The following CSMD3 variants were observed in gnomAD, a reference collection of about 807,000 sequenced individuals.
The protein encoded by CSMD3 is CUB and Sushi multiple domains 3, also known as CUB and sushi domain-containing protein 3.
Under a neutral mutation model 435.2 loss-of-function variants are expected in CSMD3, and 177 were observed. That is an observed-to-expected ratio of 0.41 (90% CI 0.36 to 0.46). The LOEUF is 0.46. Among genes scored for constraint, CSMD3 ranks in the 20% least tolerant of loss-of-function variants. CSMD3 has a pLI of 0.34. For synonymous variants in CSMD3, 1,656 were observed against 1,520.5 expected (o/e 1.09, Z -2.07); for missense variants, 4,265 against 4,504.6 (o/e 0.95, Z 1.52).
intron 32 of CSMD3, among the ~76,000 whole-genome samples, chr8:112,413,968 T>C (rs149005949): frequency 1.5e-4 from 23 of 152,146 alleles, no homozygotes; most frequent in Admixed American, 2.6e-4. Context: ...CCAGGTGATA[T>C]CTGTTCACCC....
intron 23 of CSMD3, among the ~76,000 whole-genome samples, chr8:112,579,136 A>G (rs1830156374): frequency 6.6e-6 from 1 of 152,080 alleles, no homozygotes; most frequent in Non-Finnish European, 1.5e-5. Flanking sequence ...AAACAGGATT[A>G]TGTCAGAACT....
At chr8:112,657,653 G>C (rs1563820534) in intron 17 of CSMD3, among the ~76,000 whole-genome samples, 2 of 152,004 alleles carry the variant, frequency 1.3e-5, no homozygotes, top group African/African-American at 4.8e-5. Context: ...TCTAAACTGT[G>C]GAAAAATGTT....
intron 5 of CSMD3, among the ~76,000 whole-genome samples, chr8:113,045,285 T>C (rs1237132876): frequency 6.7e-6 from 1 of 149,254 alleles, no homozygotes; most frequent in African/African-American, 2.4e-5. Context: ...CCTGCATATA[T>C]TGGTTACTCA....
intron 52 of CSMD3, among the ~76,000 whole-genome samples, chr8:112,304,256 AT>A (rs1257123508): frequency 6.6e-6 from 1 of 152,146 alleles, no homozygotes; most frequent in Admixed American, 6.5e-5. Context: ...ATCAGAGAGA[AT>A]AAACATGATA....
chr8:113,364,894 T>C (rs1346863743), intron 1 of CSMD3, among the ~76,000 whole-genome samples: 1 of 152,132 alleles, frequency 6.6e-6, no homozygotes, highest in Non-Finnish European at 1.5e-5. Flanking sequence ...AAAAGGTTTC[T>C]GGACCACAAA....
At chr8:112,547,440 T>TG (rs1047103083) in intron 27 of CSMD3, among the ~76,000 whole-genome samples, 1 of 151,734 alleles carries the variant, frequency 6.6e-6, no homozygotes, top group Non-Finnish European at 1.5e-5. Flanking sequence ...CCTAGCTACA[T>TG]GGGGGGCTGA....
At chr8:112,236,687 A>G (rs868570464) in intron 67 of CSMD3, among the ~76,000 whole-genome samples, 1 of 152,132 alleles carries the variant, frequency 6.6e-6, no homozygotes, top group Non-Finnish European at 1.5e-5. Flanking sequence ...AGATGTGTGT[A>G]CTGGACACAG....
intron 11 of CSMD3, among the ~76,000 whole-genome samples, chr8:112,836,318 C>T (rs1236355689): frequency 6.6e-6 from 1 of 151,776 alleles, no homozygotes. Flanking sequence ...TACCCAACAG[C>T]CACCTTCCGT....
In CSMD3 at chr8:112,685,507, G is replaced by A. The variant is rs772413849; in HGVS notation, c.2381C>T (p.Ala794Val). The A allele has an allele frequency of 6.2e-7, 1 of 1,613,938 alleles. No individual in the cohort carries two copies. ...ESPILGTFTGAEVPSHLTSNS... is the reference protein window; with the variant it reads ...ESPILGTFTGVEVPSHLTSNS... Reference sequence around the variant, plus strand: ...ACTAGTAAGATGGGAAGGCACCTCAGCCCCAGTAAAGGTTCCAAGAATTGG... The same window carrying A: ...ACTAGTAAGATGGGAAGGCACCTCAACCCCAGTAAAGGTTCCAAGAATTGG... The change falls in exon 15 of 71, where the codon GCT (alanine) becomes GTT (valine). Residue 794 changes from alanine (A) to valine (V), a missense_variant. By Grantham distance (64) the Ala-to-Val change is moderately conservative (BLOSUM62 0). Transcript: ENST00000297405.
chr8:113,048,217 G>A (rs2131315265), intron 5 of CSMD3, among the ~76,000 whole-genome samples: 1 of 151,422 alleles, frequency 6.6e-6, no homozygotes, highest in Non-Finnish European at 1.5e-5. Flanking sequence ...CTCAGCTTTC[G>A]GAGTAGCTGG....
intron 28 of CSMD3, among the ~76,000 whole-genome samples, chr8:112,511,523 G>T (rs1459803399): frequency 6.6e-6 from 1 of 151,552 alleles, no homozygotes; most frequent in Non-Finnish European, 1.5e-5. Context: ...CTGAGTAGCT[G>T]GGACTACAGG....
chr8:112,655,595 C>A (rs2075237951), intron 18 of CSMD3, among the ~76,000 whole-genome samples: 1 of 151,872 alleles, frequency 6.6e-6, no homozygotes. Context: ...TATAATGATT[C>A]CAACACTCTG....
In CSMD3 at chr8:112,783,437, G is replaced by GGAAGGAAA. The variant is rs1302874425; in HGVS notation, c.1972+16724_1972+16725insTTTCCTTC. ...AGGAGGGAGGGAGGGAAGGAAGGAA[G>GGAAGGAAA]GAAGGAAGGAAGGAAGGAAGGAAGG... On this transcript the variant is annotated intron_variant, in intron 13 of 70. Coordinates refer to ENST00000297405, the MANE Select transcript of CSMD3 (RefSeq NM_198123.2). Among the ~76,000 whole-genome samples, 3 of 87,780 alleles carry GGAAGGAAA rather than the reference G, an allele frequency of 3.4e-5. No individual in the cohort carries two copies. The South Asian group carries it at 1.7e-3, about 51-fold the overall frequency. The allele number at this position is 87,780 out of a possible 152,430, so 57.6% of individuals were successfully genotyped here.
At chr8:112,534,874 A>G (rs1021963441) in intron 27 of CSMD3, among the ~76,000 whole-genome samples, 2 of 152,306 alleles carry the variant, frequency 1.3e-5, no homozygotes, top group East Asian at 1.9e-4. Context: ...GGCTGGTTCA[A>G]TATATGCAAA....
At chr8:113,168,207 GGTTTGTAATAAAAT>G (rs1564386312) in intron 4 of CSMD3, among the ~76,000 whole-genome samples, 1 of 152,060 alleles carries the variant, frequency 6.6e-6, no homozygotes, top group Middle Eastern at 3.4e-3. Flanking sequence ...AGTTTACAAT[GGTTTGTAATAAAAT>G]GTTTTTAAAA....
intron 10 of CSMD3, among the ~76,000 whole-genome samples, chr8:112,870,976 A>G (rs2081120057): frequency 6.6e-6 from 1 of 152,176 alleles, no homozygotes; most frequent in Non-Finnish European, 1.5e-5. Flanking sequence ...ACCACTCCCC[A>G]GTAATTTCGG....
intron 1 of CSMD3, among the ~76,000 whole-genome samples, chr8:113,404,883 T>A (rs574108169): frequency 1.3e-5 from 2 of 151,612 alleles, no homozygotes; most frequent in African/African-American, 4.8e-5. Context: ...GACACTTGTT[T>A]CATCCCTTAA....
At chr8:112,945,480 G>C (rs148199381) in intron 9 of CSMD3, among the ~76,000 whole-genome samples, 3 of 151,702 alleles carry the variant, frequency 2.0e-5, no homozygotes, top group African/African-American at 7.2e-5. Flanking sequence ...GTGAGCCAGG[G>C]AGATCCTGCC....
chr8:112,268,576 T>C (rs1817174824), intron 59 of CSMD3, among the ~76,000 whole-genome samples: 1 of 152,222 alleles, frequency 6.6e-6, no homozygotes, highest in South Asian at 2.1e-4. Context: ...TTAATATACA[T>C]AGACATGCAT....
Sources: allele counts gnomAD v4.1 joint callset (sites outside exome capture counted in the v4.1 genomes callset), GRCh38; gene constraint gnomAD v4.1.1; transcripts MANE v1.5; gene names NCBI Gene and HGNC (gene_info 2026-07-23, HGNC 2026-07-21).